Variants in OSBPL2 observed in about 807,000 individuals in gnomAD.
The protein encoded by OSBPL2 is oxysterol binding protein like 2.
OSBPL2 carries 18 observed loss-of-function variants against 58.4 expected under a neutral mutation model. That is an observed-to-expected ratio of 0.31 (90% CI 0.21 to 0.46). The LOEUF (loss-of-function observed/expected upper bound fraction) is 0.46. Ranked by LOEUF, OSBPL2 falls within the 20% of genes least tolerant of loss-of-function variation. The pLI is 1.00. For missense variants in OSBPL2, 461 were observed against 616.5 expected (o/e 0.75, Z 2.67); for synonymous variants, 221 against 234.1 (o/e 0.94, Z 0.51).
intron 6 of OSBPL2, among the ~76,000 whole-genome samples, chr20:62,277,656 T>C (rs1982472462): frequency 6.6e-6 from 1 of 152,274 alleles, no homozygotes. Flanking sequence ...GTATTCATTT[T>C]GTAAATTACA....
chr20:62,265,121 G>T (rs968558147), intron 4 of OSBPL2, among the ~76,000 whole-genome samples: 1 of 152,174 alleles, frequency 6.6e-6, no homozygotes, highest in Admixed American at 6.5e-5. Flanking sequence ...GCATCCATTG[G>T]TGGGTTTTAC....
chr20:62,284,377 T>A, intron 10 of OSBPL2: 1 of 445,408 alleles, frequency 2.2e-6, no homozygotes. Flanking sequence ...TCTTTCCATT[T>A]TTTTTTTTTT....
intron 6 of OSBPL2, 107 bp from the exon 7 acceptor site, chr20:62,279,050 G>A: frequency 1.1e-6 from 1 of 892,338 alleles, no homozygotes; most frequent in East Asian, 2.5e-5. Context: ...GGCATGGAGG[G>A]CCCCTGCTTC....
chr20:62,250,941 A>G (rs1980482136), intron 1 of OSBPL2, among the ~76,000 whole-genome samples: 1 of 152,154 alleles, frequency 6.6e-6, no homozygotes, highest in African/African-American at 2.4e-5. Flanking sequence ...AAATAAATAA[A>G]TAAATAAATA....
intron 1 of OSBPL2, among the ~76,000 whole-genome samples, chr20:62,253,585 G>A (rs1039474985): frequency 2.6e-5 from 4 of 152,090 alleles, no homozygotes; most frequent in African/African-American, 4.8e-5. Flanking sequence ...CAGGCTCCTC[G>A]TTCTGGAGTC....
chr20:62,252,805 C>T lies in OSBPL2; in HGVS notation c.-128-3252C>T, dbSNP rs576082541. Reference sequence around the variant, plus strand: ...CTCGTGGTGGAAGGCGAAGCGGGTGCAGGCGCCTCACATGGCGCGAGGAGG... The same window carrying T: ...CTCGTGGTGGAAGGCGAAGCGGGTGTAGGCGCCTCACATGGCGCGAGGAGG... On this transcript the variant is annotated intron_variant, in intron 1 of 13. Transcript: ENST00000313733. Among the ~76,000 whole-genome samples the T allele has an allele frequency of 3.9e-5, 6 of 152,360 alleles. No individual in the cohort carries two copies. In the East Asian group the frequency reaches 1.2e-3, roughly 29 times the overall value.
intron 2 of OSBPL2, chr20:62,259,194 C>T (rs1173871254): frequency 2.0e-5 from 3 of 152,324 alleles, no homozygotes; most frequent in African/African-American, 7.2e-5. Flanking sequence ...ACCCAGCCCC[C>T]ACTCCACCCG....
At chr20:62,248,488 C>A (rs1980302737) in intron 1 of OSBPL2, among the ~76,000 whole-genome samples, 1 of 152,102 alleles carries the variant, frequency 6.6e-6, no homozygotes, top group Admixed American at 6.6e-5. Context: ...GATGTTTAAC[C>A]TCAGAAGTGA....
intron 1 of OSBPL2, among the ~76,000 whole-genome samples, chr20:62,244,762 G>A (rs993418203): frequency 3.3e-5 from 5 of 152,246 alleles, no homozygotes; most frequent in African/African-American, 7.2e-5. Context: ...CCGGGACGTC[G>A]GGCCACACTG....
Position 62,269,558 on chromosome 20 carries a change from G to A in OSBPL2, c.259-2567G>A, listed in dbSNP as rs1981916896. ...CTGAGCAAGGCAGCGTCTCCCCCAT[G>A]CTCAGGGCTGCCACCGGCCGCACTT... On this transcript the variant is annotated intron_variant, in intron 4 of 13. Transcript: ENST00000313733. The surrounding 1 kb of genome is among the most constrained non-coding windows in gnomAD (Gnocchi z 4.2). 1.3e-5 allele frequency among the ~76,000 whole-genome samples: 2 copies of A among 152,154 alleles called. No individual in the cohort carries two copies. The highest frequency in any genetic ancestry group is 4.8e-5 in the African/African-American group (2 of 41,426).
intron 2 of OSBPL2, among the ~76,000 whole-genome samples, chr20:62,258,111 C>G (rs1013077630): frequency 6.6e-6 from 1 of 152,166 alleles, no homozygotes; most frequent in African/African-American, 2.4e-5. Flanking sequence ...CTAGGAGCCA[C>G]AGGGTGTGCG....
intron 4 of OSBPL2, 74 bp from the exon 5 acceptor site, chr20:62,272,051 A>G: frequency 6.4e-7 from 1 of 1,562,038 alleles, no homozygotes; most frequent in Non-Finnish European, 8.7e-7. Context: ...AGGGATGCTC[A>G]GAGCAGGGGC....
At chr20:62,267,325 A>G (rs1338235286) in intron 4 of OSBPL2, among the ~76,000 whole-genome samples, 1 of 152,240 alleles carries the variant, frequency 6.6e-6, no homozygotes, top group Non-Finnish European at 1.5e-5. Flanking sequence ...CTGTGCCAAC[A>G]TGATCACCCT....
At chr20:62,256,882 T>G (rs1005611190) in intron 2 of OSBPL2, among the ~76,000 whole-genome samples, 7 of 152,244 alleles carry the variant, frequency 4.6e-5, no homozygotes, top group Non-Finnish European at 2.9e-5. Flanking sequence ...AGCTCGTGTC[T>G]TGTCAGGTCC....
At chr20:62,274,253 A>G (rs1982246980) in intron 6 of OSBPL2, among the ~76,000 whole-genome samples, 2 of 152,100 alleles carry the variant, frequency 1.3e-5, no homozygotes, top group Admixed American at 6.5e-5. Flanking sequence ...GCCCACCCAC[A>G]CCAACAAATG....
intron 1 of OSBPL2, among the ~76,000 whole-genome samples, chr20:62,250,469 A>C (rs575334259): frequency 6.6e-6 from 1 of 152,324 alleles, no homozygotes; most frequent in South Asian, 2.1e-4. Flanking sequence ...TGGTTGGACC[A>C]CACGGCACAA....
intron 3 of OSBPL2, among the ~76,000 whole-genome samples, chr20:62,260,509 T>C (rs6089707): frequency 0.86 from 131,074 of 152,162 alleles, 57,044 homozygotes; most frequent in East Asian, 0.99. Flanking sequence ...TCTGCCTGCT[T>C]TTCCATGGGC....
Position 62,273,294 on chromosome 20 carries a change from G to A in OSBPL2, c.394-15G>A, listed in dbSNP as rs187238677. The A allele has an allele frequency of 9.7e-5, 155 of 1,603,768 alleles. No homozygotes were observed. Among genetic ancestry groups the A allele is most frequent in the Admixed American group, 5.7e-4 (33 of 57,894 alleles). ...AACTGAAGCTGTGCCTGTCCCCCCC[G>A]TGGATTATTTACAGTCTGTGGCTGC... On this transcript the variant is annotated splice_polypyrimidine_tract_variant and intron_variant, in intron 5 of 13. Transcript: ENST00000313733.
Position 62,269,581 on chromosome 20 carries a change from C to T in OSBPL2, c.259-2544C>T, listed in dbSNP as rs1465306687. On this transcript the variant is annotated intron_variant, in intron 4 of 13. Coordinates refer to ENST00000313733, the MANE Select transcript of OSBPL2 (RefSeq NM_144498.4). The surrounding 1 kb of genome is among the most constrained non-coding windows in gnomAD (Gnocchi z 4.2). Reference sequence around the variant, plus strand: ...ATGCTCAGGGCTGCCACCGGCCGCACTTCCCGGCCTCCCTGGTCCCAATCT... The same window carrying T: ...ATGCTCAGGGCTGCCACCGGCCGCATTTCCCGGCCTCCCTGGTCCCAATCT... Among the ~76,000 whole-genome samples, 1 of 152,242 alleles carries T rather than the reference C, an allele frequency of 6.6e-6. No homozygotes were observed. Among genetic ancestry groups the T allele is most frequent in the African/African-American group, 2.4e-5 (1 of 41,468 alleles).
Sources: allele counts gnomAD v4.1 joint callset (sites outside exome capture counted in the v4.1 genomes callset), GRCh38; gene constraint gnomAD v4.1.1; non-coding constraint Gnocchi (gnomAD v3.1); transcripts MANE v1.5; gene names NCBI Gene and HGNC (gene_info 2026-07-23, HGNC 2026-07-21).